Variants in LANCL3 observed in about 807,000 individuals in gnomAD.
LANCL3 encodes lanC-like protein 3.
Under a neutral mutation model 26.5 loss-of-function variants are expected in LANCL3, and 19 were observed. The observed-to-expected ratio is 0.72, with a 90% CI of 0.50 to 1.05. The LOEUF is 1.05. LANCL3 is among the 50% of genes least tolerant of loss of function. The pLI, the probability that LANCL3 is intolerant of heterozygous loss-of-function variation, is 0.00. For synonymous variants in LANCL3, 160 were observed against 166.6 expected (o/e 0.96, Z 0.30); for missense variants, 318 against 362.7 (o/e 0.88, Z 1.00).
At chrX:37,672,390 AG>A (rs1425731041) in intron 4 of LANCL3, among the ~76,000 whole-genome samples, 15 of 112,256 alleles carry the variant, frequency 1.3e-4, no homozygotes, top group African/African-American at 4.5e-4. Flanking sequence ...TGTGAACAAA[AG>A]TTCTCTGAAA....
intron 1 of LANCL3, among the ~76,000 whole-genome samples, chrX:37,602,582 T>C (rs781949998): frequency 2.7e-5 from 3 of 111,902 alleles, no homozygotes; most frequent in Non-Finnish European, 5.6e-5. Context: ...TTAGTATATA[T>C]TTGTTTTTGA....
At chrX:37,633,084 G>C (rs1925583276) in intron 1 of LANCL3, among the ~76,000 whole-genome samples, 1 of 110,965 alleles carries the variant, frequency 9.0e-6, no homozygotes, top group Non-Finnish European at 1.9e-5. Context: ...GTCACTTTCA[G>C]GTACACCAAT....
chrX:37,670,817 G>A (rs922815072), intron 4 of LANCL3, among the ~76,000 whole-genome samples: 8 of 111,486 alleles, frequency 7.2e-5, no homozygotes, highest in Admixed American at 9.5e-5. Flanking sequence ...CAGAAACATG[G>A]TATACCTTTC....
chrX:37,671,859 TGAA>T (rs782717494), intron 4 of LANCL3, among the ~76,000 whole-genome samples: 74 of 112,281 alleles, frequency 6.6e-4, no homozygotes, highest in Non-Finnish European at 1.3e-3. Context: ...GTCTTTGATT[TGAA>T]GCTCTGTTGT....
chrX:37,652,130 C>T (rs1050767543), intron 1 of LANCL3, among the ~76,000 whole-genome samples: 1 of 109,435 alleles, frequency 9.1e-6, no homozygotes, highest in African/African-American at 3.3e-5. Context: ...AGTTGCTATT[C>T]GCATATTCAG....
intron 1 of LANCL3, among the ~76,000 whole-genome samples, chrX:37,591,729 GT>G (rs1924286090): frequency 1.3e-5 from 1 of 75,103 alleles, no homozygotes; most frequent in African/African-American, 1.1e-4. Flanking sequence ...CCAGCTGGTG[GT>G]GGGGGGGGTA....
intron 1 of LANCL3, among the ~76,000 whole-genome samples, chrX:37,631,479 C>T (rs1925509752): frequency 1.8e-5 from 2 of 111,382 alleles, no homozygotes; most frequent in Admixed American, 9.5e-5. Flanking sequence ...TTAGTTATTT[C>T]TTGCCTTCTG....
At chrX:37,620,320 A>G (rs782536249) in intron 1 of LANCL3, among the ~76,000 whole-genome samples, 1 of 112,359 alleles carries the variant, frequency 8.9e-6, no homozygotes, top group East Asian at 2.8e-4. Context: ...CTCCAGAGAA[A>G]GAAAGCCCAA....
intron 1 of LANCL3, among the ~76,000 whole-genome samples, chrX:37,602,053 AAG>A (rs1556420070): frequency 8.9e-6 from 1 of 111,807 alleles, no homozygotes; most frequent in Non-Finnish European, 1.9e-5. Flanking sequence ...TTCTAGGAAA[AAG>A]AGTGAGTGTA....
chrX:37,672,738 G>C lies in LANCL3; in HGVS notation c.1104-2916G>C, dbSNP rs1411234319. 5.4e-5 allele frequency among the ~76,000 whole-genome samples: 6 copies of C among 111,558 alleles called. No homozygotes were observed. In the East Asian group the frequency reaches 1.7e-3, roughly 31 times the overall value. ...ATCTTGGCACTCACAACGGGAACTG[G>C]TTTGGAGAAAGGTCCTGTGATGCTT... On this transcript the variant is annotated intron_variant, in intron 4 of 4. Transcript: ENST00000378619.
intron 1 of LANCL3, among the ~76,000 whole-genome samples, chrX:37,653,941 G>A (rs782143655): frequency 1.8e-5 from 2 of 110,945 alleles, no homozygotes; most frequent in East Asian, 5.6e-4. Context: ...AGAGAATGTA[G>A]TCTTACTGAA....
At chrX:37,576,700 C>A (rs1447768769) in intron 1 of LANCL3, among the ~76,000 whole-genome samples, 3 of 111,209 alleles carry the variant, frequency 2.7e-5, no homozygotes, top group Non-Finnish European at 3.8e-5. Context: ...AAAAAAATAA[C>A]ATCAGTCTTT....
rs191278029 is a variant in LANCL3, at chrX:37,634,945, A to C, written c.574-20743A>C. 3.6e-5 allele frequency among the ~76,000 whole-genome samples: 4 copies of C among 111,154 alleles called. No homozygotes were observed. In the Admixed American group the frequency reaches 3.9e-4, roughly 11 times the overall value. On this transcript the variant is annotated intron_variant, in intron 1 of 4. Coordinates refer to ENST00000378619, the MANE Select transcript of LANCL3 (RefSeq NM_001170331.2). ...ATTTTTGTACTATTCTTAAAACTCTATGGAATTATATACAAAAATTATAGG... is the reference window on the plus strand; with the variant it reads ...ATTTTTGTACTATTCTTAAAACTCTCTGGAATTATATACAAAAATTATAGG...
intron 1 of LANCL3, among the ~76,000 whole-genome samples, chrX:37,587,965 G>C (rs1489445158): frequency 8.9e-6 from 1 of 112,331 alleles, no homozygotes; most frequent in Non-Finnish European, 1.9e-5. Context: ...TATTTAAAGA[G>C]AACATAGTTC....
At chrX:37,604,675 A>G (rs1029717010) in intron 1 of LANCL3, among the ~76,000 whole-genome samples, 3 of 112,026 alleles carry the variant, frequency 2.7e-5, no homozygotes, top group African/African-American at 9.7e-5. Context: ...GGGTGGCTCA[A>G]AATCAAGAGC....
intron 1 of LANCL3, among the ~76,000 whole-genome samples, chrX:37,636,168 T>C (rs1255609273): frequency 8.9e-6 from 1 of 112,565 alleles, no homozygotes; most frequent in Non-Finnish European, 1.9e-5. Flanking sequence ...GGCTGCATAG[T>C]ATTCCATGGT....
intron 1 of LANCL3, among the ~76,000 whole-genome samples, chrX:37,652,044 A>G (rs1477690075): frequency 3.7e-5 from 4 of 109,052 alleles, no homozygotes; most frequent in Admixed American, 2.9e-4. Context: ...TTTTTTTTGA[A>G]CATGCATTTC....
chrX:37,575,179 A>G (rs1470960843), intron 1 of LANCL3, among the ~76,000 whole-genome samples: 2 of 109,812 alleles, frequency 1.8e-5, no homozygotes, highest in Non-Finnish European at 3.8e-5. Flanking sequence ...TGCCCGCCTC[A>G]GTCTCCTAAA....
At chrX:37,576,080 A>G (rs1923737673) in intron 1 of LANCL3, among the ~76,000 whole-genome samples, 1 of 112,065 alleles carries the variant, frequency 8.9e-6, no homozygotes. Context: ...AGCGTACAGT[A>G]CCTTAGCAGA....
Sources: gnomAD v4.1 joint callset for allele counts (sites outside exome capture counted in the v4.1 genomes callset) on GRCh38, gnomAD v4.1.1 for gene constraint, MANE v1.5 for transcripts, NCBI Gene and HGNC (gene_info 2026-07-23, HGNC 2026-07-21) for gene names.